The following FRMD4A variants were observed in gnomAD, a reference collection of about 807,000 sequenced individuals.
FRMD4A encodes FERM domain-containing protein 4A.
Under a neutral mutation model 129.1 loss-of-function variants are expected in FRMD4A, and 29 were observed. The observed-to-expected ratio is 0.22, with a 90% CI of 0.17 to 0.31. The LOEUF (loss-of-function observed/expected upper bound fraction) is 0.31. Ranked by LOEUF, FRMD4A falls within the 10% of genes least tolerant of loss-of-function variation. The pLI is 1.00. For missense variants in FRMD4A, 1,272 were observed against 1,375.8 expected (o/e 0.92, Z 1.19); for synonymous variants, 634 against 571.6 (o/e 1.11, Z -1.56).
intron 2 of FRMD4A, among the ~76,000 whole-genome samples, chr10:14,106,783 G>C (rs1048467732): frequency 6.6e-6 from 1 of 152,140 alleles, no homozygotes; most frequent in Non-Finnish European, 1.5e-5. Context: ...TGACATAAAA[G>C]TTGCTTTGCA....
chr10:14,171,443 A>G (rs1841471287), intron 2 of FRMD4A, among the ~76,000 whole-genome samples: 1 of 152,240 alleles, frequency 6.6e-6, no homozygotes. Context: ...CTGACAATGC[A>G]CTAACTGTGA....
chr10:13,654,453 G>C lies in FRMD4A; in HGVS notation c.3013C>G (p.Pro1005Ala), dbSNP rs374464932. Residue 1005 changes from proline to alanine, a missense_variant, in exon 23 of 25, where the codon CCA becomes GCA. Transcript: ENST00000357447. ...TPSSEIGATP[P>A]SSPHHILTWQ... is the part of the protein sequence containing the mutation. ...GTTAGGATGTGGTGGGGGCTGCTTGGGGGGGTGGCTCCAATTTCACTTGAC... is the reference window on the plus strand; with the variant it reads ...GTTAGGATGTGGTGGGGGCTGCTTGCGGGGGTGGCTCCAATTTCACTTGAC... 207 of 1,613,442 alleles carry C rather than the reference G, an allele frequency of 1.3e-4. No homozygotes were observed. Among genetic ancestry groups the C allele is most frequent in the South Asian group, 4.9e-4 (45 of 91,060 alleles).
chr10:13,672,930 C>T (rs1190457375), intron 16 of FRMD4A, among the ~76,000 whole-genome samples: 1 of 152,176 alleles, frequency 6.6e-6, no homozygotes, highest in African/African-American at 2.4e-5. Context: ...ATTTCTTCCA[C>T]TCAAGTTACA....
At chr10:13,872,219 G>A (rs983797040) in intron 2 of FRMD4A, among the ~76,000 whole-genome samples, 1 of 152,198 alleles carries the variant, frequency 6.6e-6, no homozygotes, top group Non-Finnish European at 1.5e-5. Flanking sequence ...CTCATGCCAG[G>A]TCTCCTGTGG....
intron 2 of FRMD4A, among the ~76,000 whole-genome samples, chr10:14,185,795 G>A (rs186958373): frequency 2.0e-4 from 31 of 152,264 alleles, no homozygotes; most frequent in Non-Finnish European, 3.8e-4. Context: ...ATCCAGACTA[G>A]TCCTGGGCGG....
intron 2 of FRMD4A, among the ~76,000 whole-genome samples, chr10:14,160,484 C>T (rs1041043600): frequency 6.6e-6 from 1 of 152,146 alleles, no homozygotes; most frequent in Non-Finnish European, 1.5e-5. Context: ...AAGAAACACT[C>T]AACAGAGTGG....
At chr10:14,327,535 G>A (rs931441129) in intron 2 of FRMD4A, among the ~76,000 whole-genome samples, 2 of 152,228 alleles carry the variant, frequency 1.3e-5, no homozygotes, top group African/African-American at 4.8e-5. Flanking sequence ...TGAGTGGCAA[G>A]GCTAGAATGG....
intron 2 of FRMD4A, among the ~76,000 whole-genome samples, chr10:13,915,650 C>T (rs534739581): frequency 8.3e-5 from 12 of 145,352 alleles, no homozygotes; most frequent in South Asian, 6.6e-4. Flanking sequence ...CCAGACTGGG[C>T]GACAGAGTGA....
chr10:13,784,304 CT>C (rs2092803579), intron 5 of FRMD4A, among the ~76,000 whole-genome samples: 1 of 152,208 alleles, frequency 6.6e-6, no homozygotes, highest in Admixed American at 6.5e-5. Context: ...TGCTGGGCTT[CT>C]GTTCTTCAGA....
intron 24 of FRMD4A, 99 bp downstream of exon 24, chr10:13,651,804 A>T (rs1246855797): frequency 1.3e-6 from 1 of 748,672 alleles, no homozygotes; most frequent in South Asian, 1.5e-5. Context: ...TAAATACAGC[A>T]TTCAGATGTA....
intron 9 of FRMD4A, among the ~76,000 whole-genome samples, chr10:13,741,850 T>A (rs1228758768): frequency 6.6e-6 from 1 of 152,078 alleles, no homozygotes; most frequent in Non-Finnish European, 1.5e-5. Context: ...TTTTTTGAAA[T>A]CTTAGGTGTT....
intron 4 of FRMD4A, among the ~76,000 whole-genome samples, chr10:13,806,400 G>A (rs1271620434): frequency 1.3e-5 from 2 of 152,168 alleles, no homozygotes; most frequent in African/African-American, 4.8e-5. Context: ...TTTGATAAAT[G>A]AAAATCTCAG....
intron 12 of FRMD4A, among the ~76,000 whole-genome samples, chr10:13,723,578 G>A (rs558174969): frequency 6.6e-6 from 1 of 152,208 alleles, no homozygotes; most frequent in African/African-American, 2.4e-5. Flanking sequence ...GGTTATGATG[G>A]TAGATTGTAT....
At chr10:13,823,308 C>T (rs564226348) in intron 3 of FRMD4A, among the ~76,000 whole-genome samples, 1 of 152,284 alleles carries the variant, frequency 6.6e-6, no homozygotes, top group South Asian at 2.1e-4. Flanking sequence ...AATAGAGCAA[C>T]CCCCAGACTC....
chr10:13,975,019 CTGTGCGTGTCTGAGTATGCA>C (rs1437394603), intron 2 of FRMD4A, among the ~76,000 whole-genome samples: 2 of 151,380 alleles, frequency 1.3e-5, no homozygotes, highest in Non-Finnish European at 3.0e-5. Context: ...ATGTGTGTGT[CTGTGCGTGTCTGAGTATGCA>C]TGTGCGTGTC....
At chr10:13,934,208 A>T (rs902301126) in intron 2 of FRMD4A, among the ~76,000 whole-genome samples, 3 of 152,236 alleles carry the variant, frequency 2.0e-5, no homozygotes, top group Admixed American at 1.3e-4. Context: ...TTAGAGACAT[A>T]GTTTTCTTAA....
intron 2 of FRMD4A, among the ~76,000 whole-genome samples, chr10:14,031,008 A>G (rs1435281956): frequency 6.6e-6 from 1 of 152,186 alleles, no homozygotes; most frequent in African/African-American, 2.4e-5. Context: ...CACACCCAGG[A>G]GTACCCTGAA....
chr10:14,200,252 A>T lies in FRMD4A; in HGVS notation c.45+129806T>A, dbSNP rs1212116372. Among the ~76,000 whole-genome samples, 5 of 150,592 alleles carry T rather than the reference A, an allele frequency of 3.3e-5. 1 individual carries two copies. The East Asian group carries it at 7.8e-4, about 24-fold the overall frequency. ...TCTGACACAACTTTTACTGATGGGG[A>T]TGGACTCAGGGTTGGAAGATTAGCA... On this transcript the variant is annotated intron_variant, in intron 2 of 24. Coordinates refer to ENST00000357447, the MANE Select transcript of FRMD4A (RefSeq NM_018027.5).
At chr10:13,965,312 G>A (rs1202607445) in intron 2 of FRMD4A, among the ~76,000 whole-genome samples, 1 of 152,078 alleles carries the variant, frequency 6.6e-6, no homozygotes, top group African/African-American at 2.4e-5. Context: ...AGGCTGTGAA[G>A]GTATGTGGCT....
Sources: allele counts gnomAD v4.1 joint callset (sites outside exome capture counted in the v4.1 genomes callset), GRCh38; gene constraint gnomAD v4.1.1; transcripts MANE v1.5; gene names NCBI Gene and HGNC (gene_info 2026-07-23, HGNC 2026-07-21).